The following SLC12A2 variants were observed in gnomAD, a reference collection of about 807,000 sequenced individuals.
SLC12A2 encodes solute carrier family 12 member 2.
Under a neutral mutation model 136.3 loss-of-function variants are expected in SLC12A2, and 67 were observed. The ratio of observed to expected loss-of-function variants is 0.49; its 90% confidence interval spans 0.40 to 0.60. The LOEUF (loss-of-function observed/expected upper bound fraction) is 0.60. Among genes scored for constraint, SLC12A2 ranks in the 20% least tolerant of loss-of-function variants. The pLI is 0.00. For missense variants in SLC12A2, 1,322 were observed against 1,534.7 expected (o/e 0.86, Z 2.32); for synonymous variants, 619 against 562.9 (o/e 1.10, Z -1.41).
chr5:128,146,070 A>G (rs1234335685), intron 10 of SLC12A2, among the ~76,000 whole-genome samples: 1 of 151,930 alleles, frequency 6.6e-6, no homozygotes, highest in African/African-American at 2.4e-5. Context: ...ATACCTGTGT[A>G]CTTATCCTTC....
intron 4 of SLC12A2, among the ~76,000 whole-genome samples, chr5:128,122,053 C>A (rs944924615): frequency 3.9e-5 from 6 of 152,154 alleles, no homozygotes; most frequent in Non-Finnish European, 7.4e-5. Context: ...ACTGTAAATT[C>A]TTGGTTTTAA....
intron 1 of SLC12A2, among the ~76,000 whole-genome samples, chr5:128,096,406 A>G (rs1232572107): frequency 6.6e-6 from 1 of 152,098 alleles, no homozygotes; most frequent in Non-Finnish European, 1.5e-5. Context: ...CTTTTTTATA[A>G]AACCTAATGG....
At chr5:128,173,125 C>T (rs1294140013) in intron 19 of SLC12A2, among the ~76,000 whole-genome samples, 2 of 152,106 alleles carry the variant, frequency 1.3e-5, no homozygotes, top group African/African-American at 2.4e-5. Flanking sequence ...AGCCTAAATA[C>T]GTAAGAGGTA....
rs188924503 is a variant in SLC12A2, at chr5:128,125,510, T to G, written c.1049-5557T>G. 2.0e-4 allele frequency among the ~76,000 whole-genome samples: 30 copies of G among 152,358 alleles called. No homozygotes were observed. In the East Asian group the frequency reaches 5.6e-3, roughly 28 times the overall value. On this transcript the variant is annotated intron_variant, in intron 4 of 26. Transcript: ENST00000262461. ...CAATTTAAAAATTGGATTGTCTTTT[T>G]GTTACTGATTTGTAGATTTTTCTAT...
At chr5:128,086,145 G>T (rs925461758) in intron 1 of SLC12A2, among the ~76,000 whole-genome samples, 8 of 152,146 alleles carry the variant, frequency 5.3e-5, no homozygotes, top group African/African-American at 9.7e-5. Flanking sequence ...AAGTATGTGA[G>T]CAGTAAAGTG....
intron 12 of SLC12A2, 119 bp downstream of exon 12, chr5:128,148,996 A>G (rs1456620273): frequency 1.0e-5 from 9 of 860,132 alleles, no homozygotes; most frequent in Non-Finnish European, 1.6e-5. Context: ...TAATCAAAGA[A>G]AGTTTATAAA....
At chr5:128,087,098 A>G (rs368575788) in intron 1 of SLC12A2, among the ~76,000 whole-genome samples, 1 of 152,238 alleles carries the variant, frequency 6.6e-6, no homozygotes, top group Non-Finnish European at 1.5e-5. Flanking sequence ...TCTTCCCTCC[A>G]GTTGAATTCC....
chr5:128,184,582 G>C, intron 25 of SLC12A2, 81 bp downstream of exon 25: 2 of 1,325,102 alleles, frequency 1.5e-6, no homozygotes, highest in South Asian at 3.0e-5. Context: ...TGATATAGGA[G>C]GGTCAGTTGT....
At position 128,131,201 on chromosome 5, in the gene SLC12A2, C is replaced by A. The variant is rs139110951; in HGVS notation, c.1183C>A (p.Leu395Ile). The A allele has an allele frequency of 1.9e-6, 3 of 1,613,930 alleles. No individual in the cohort carries two copies. The highest frequency in any genetic ancestry group is 2.5e-6 in the Non-Finnish European group (3 of 1,179,988). The stretch of plus-strand genomic sequence containing the variant: ...ATTTGCAGAAACCGTGGTGGAGTTG[C>A]TTAAGGTAATTCACCTTCCTTCTAG... Reference protein sequence around the residue: ...VGFAETVVELLKEHSILMIDE... With the variant: ...VGFAETVVELIKEHSILMIDE... The change falls in exon 5 of 27, where the codon CTT (leucine) becomes ATT (isoleucine). Residue 395 changes from leucine (L) to isoleucine (I), a missense_variant. Transcript: ENST00000262461.
At chr5:128,180,228 C>T (rs1184945301) in intron 22 of SLC12A2, among the ~76,000 whole-genome samples, 2 of 151,974 alleles carry the variant, frequency 1.3e-5, no homozygotes, top group Non-Finnish European at 2.9e-5. Context: ...CCTCGGCCTC[C>T]CAAAGTGCTG....
chr5:128,119,009 A>G (rs996920453), intron 4 of SLC12A2, among the ~76,000 whole-genome samples: 7 of 152,242 alleles, frequency 4.6e-5, no homozygotes, highest in Admixed American at 2.6e-4. Context: ...TTGGGATTCA[A>G]TGTGTAGGTA....
chr5:128,186,753 T>A lies in SLC12A2; in HGVS notation c.*122T>A, dbSNP rs1332551922. On this transcript the variant is annotated 3_prime_UTR_variant, in exon 27 of 27. Coordinates refer to ENST00000262461, the MANE Select transcript of SLC12A2 (RefSeq NM_001046.3). ...GGTGACTTTTCTTTCACGATTTCAT[T>A]AATTTGAAAGCACACAGGAAAGTTG... 2.8e-6 allele frequency: 3 copies of A among 1,090,520 alleles called. No homozygotes were observed. Among genetic ancestry groups the A allele is most frequent in the African/African-American group, 1.6e-5 (1 of 64,198 alleles). The allele number at this position is 1,090,520 out of a possible 1,614,324, so 67.6% of individuals were successfully genotyped here. A position where few individuals can be genotyped will look rare whatever the true frequency, so the allele number is the denominator to read the frequency against.
intron 1 of SLC12A2, among the ~76,000 whole-genome samples, chr5:128,100,089 C>T (rs1760693214): frequency 6.6e-6 from 1 of 152,138 alleles, no homozygotes; most frequent in South Asian, 2.1e-4. Context: ...TTTATTCCAG[C>T]ATCACCACAA....
intron 7 of SLC12A2, among the ~76,000 whole-genome samples, chr5:128,138,236 G>A (rs1252742079): frequency 6.6e-6 from 1 of 152,150 alleles, no homozygotes. Context: ...ACCACGCCAT[G>A]CCCCCTTTTG....
intron 16 of SLC12A2, among the ~76,000 whole-genome samples, chr5:128,159,711 A>AGG (rs1443181966): frequency 6.6e-6 from 1 of 152,238 alleles, no homozygotes; most frequent in Non-Finnish European, 1.5e-5. Context: ...ACCAGTTAGA[A>AGG]GGGCAATCAT....
chr5:128,099,634 A>G (rs944139830), intron 1 of SLC12A2, among the ~76,000 whole-genome samples: 17 of 152,206 alleles, frequency 1.1e-4, no homozygotes, highest in South Asian at 2.1e-4. Context: ...CAAGTGTACA[A>G]GAGTATTTTC....
chr5:128,136,727 C>A (rs779337241), intron 7 of SLC12A2, among the ~76,000 whole-genome samples: 2 of 152,066 alleles, frequency 1.3e-5, no homozygotes, highest in Non-Finnish European at 2.9e-5. Context: ...TCCTGTTACC[C>A]CCTTTAAATG....
chr5:128,089,677 G>A (rs1247750475), intron 1 of SLC12A2, among the ~76,000 whole-genome samples: 1 of 152,182 alleles, frequency 6.6e-6, no homozygotes, highest in Non-Finnish European at 1.5e-5. Flanking sequence ...CTGTATAAGT[G>A]TTTATCTTCA....
chr5:128,124,024 G>A (rs1761686550), intron 4 of SLC12A2, among the ~76,000 whole-genome samples: 1 of 152,148 alleles, frequency 6.6e-6, no homozygotes, highest in Admixed American at 6.5e-5. Flanking sequence ...CGTCTGTTAA[G>A]GTGATCTCTT....
Sources: allele counts gnomAD v4.1 joint callset (sites outside exome capture counted in the v4.1 genomes callset), GRCh38; gene constraint gnomAD v4.1.1; transcripts MANE v1.5; gene names NCBI Gene and HGNC (gene_info 2026-07-23, HGNC 2026-07-21).